XPO7: variants seen among roughly 807,000 people sequenced by gnomAD.
The protein encoded by XPO7 is exportin 7.
A neutral mutation model predicts 144.3 loss-of-function variants in XPO7; 21 were observed. That is an observed-to-expected ratio of 0.15 (90% CI 0.10 to 0.21). The LOEUF is 0.21. XPO7 is among the 10% of genes least tolerant of loss of function. The probability of loss-of-function intolerance (pLI) is 1.00; values close to 1 mark genes in which losing one functional copy is unlikely to be tolerated. For missense variants in XPO7, 808 were observed against 1,325.8 expected (o/e 0.61, Z 6.06); for synonymous variants, 580 against 499.6 (o/e 1.16, Z -2.15).
chr8:21,995,064 A>AAAC (rs564256339), intron 20 of XPO7, among the ~76,000 whole-genome samples: 2 of 150,356 alleles, frequency 1.3e-5, no homozygotes, highest in African/African-American at 2.5e-5. Context: ...AAAAAAAAAT[A>AAAC]AATAATAATA....
intron 4 of XPO7, among the ~76,000 whole-genome samples, chr8:21,971,236 A>G (rs967517691): frequency 6.6e-6 from 1 of 152,228 alleles, no homozygotes; most frequent in Non-Finnish European, 1.5e-5. Context: ...CTATGATGTT[A>G]GCACAACAGT....
intron 1 of XPO7, among the ~76,000 whole-genome samples, chr8:21,931,518 T>C (rs1319396564): frequency 2.0e-5 from 3 of 152,350 alleles, no homozygotes; most frequent in Non-Finnish European, 4.4e-5. Flanking sequence ...TTATTCTGTT[T>C]TGTTTGCTGG....
At chr8:21,940,875 G>T (rs764395012) in intron 1 of XPO7, among the ~76,000 whole-genome samples, 1 of 152,108 alleles carries the variant, frequency 6.6e-6, no homozygotes, top group African/African-American at 2.4e-5. Flanking sequence ...ATCTCTGGAT[G>T]CATCTGTAGT....
chr8:21,960,976 A>G (rs753261393), intron 1 of XPO7, among the ~76,000 whole-genome samples: 2 of 152,238 alleles, frequency 1.3e-5, no homozygotes, highest in Non-Finnish European at 2.9e-5. Flanking sequence ...TAAATATATA[A>G]ATAATTAAAG....
At chr8:21,962,731 C>G (rs1411865305) in intron 1 of XPO7, among the ~76,000 whole-genome samples, 1 of 152,184 alleles carries the variant, frequency 6.6e-6, no homozygotes, top group Non-Finnish European at 1.5e-5. Context: ...AATTTACTAA[C>G]ATGCATCACA....
chr8:21,999,834 GCA>G (rs1411962592), intron 24 of XPO7, among the ~76,000 whole-genome samples, 160 bp downstream of exon 24: 1 of 152,156 alleles, frequency 6.6e-6, no homozygotes, highest in African/African-American at 2.4e-5. Flanking sequence ...TGCTTATCCA[GCA>G]CACACTCACT....
chr8:21,990,760 CT>C (rs1188344088), intron 17 of XPO7, 50 bp from the exon 18 acceptor site: 33 of 1,556,004 alleles, frequency 2.1e-5, no homozygotes, highest in Non-Finnish European at 2.8e-5. Flanking sequence ...GGCTTGCATT[CT>C]GCCTCTAACT....
intron 1 of XPO7, among the ~76,000 whole-genome samples, chr8:21,941,778 C>T (rs549459861): frequency 3.9e-5 from 6 of 152,140 alleles, no homozygotes; most frequent in Non-Finnish European, 7.4e-5. Flanking sequence ...TAGGCTTAAG[C>T]GATCCTCCCG....
intron 1 of XPO7, among the ~76,000 whole-genome samples, chr8:21,923,108 G>A (rs764419417): frequency 6.6e-6 from 1 of 152,162 alleles, no homozygotes; most frequent in African/African-American, 2.4e-5. Flanking sequence ...AGGGAGTTCC[G>A]TACAACTTTT....
chr8:21,985,661 A>T lies in XPO7; in HGVS notation c.1547A>T (p.Gln516Leu). ...GTTTCTTTTGCCAGCACTGATGAGC[A>T]AGACGCCATGGATGGTGAGCTTGTC... ...GRVSFASTDE[Q>L]DAMDGELVCR... is the part of the protein sequence containing the mutation. Residue 516 changes from glutamine to leucine, a missense_variant, in exon 13 of 28, where the codon CAA (glutamine) becomes CTA (leucine). Transcript: ENST00000252512. 1 of 1,613,732 alleles carries T rather than the reference A, an allele frequency of 6.2e-7. No individual in the cohort carries two copies.
chr8:22,004,637 G>A lies in XPO7; in HGVS notation c.3171-358G>A, dbSNP rs142061543. On this transcript the variant is annotated intron_variant, in intron 27 of 27. Coordinates refer to ENST00000252512, the MANE Select transcript of XPO7 (RefSeq NM_015024.5). ...TAATTCAGGGGCACGGTAGCCATATGTGGTTAGCAGCCGCCCTATTGGACA... is the reference window on the plus strand; with the variant it reads ...TAATTCAGGGGCACGGTAGCCATATATGGTTAGCAGCCGCCCTATTGGACA... 2.2e-3 allele frequency among the ~76,000 whole-genome samples: 330 copies of A among 152,228 alleles called. 3 individuals carry two copies. Among genetic ancestry groups the A allele is most frequent in the African/African-American group, 7.5e-3 (312 of 41,520 alleles).
intron 1 of XPO7, among the ~76,000 whole-genome samples, chr8:21,964,648 G>C (rs1452678145): frequency 1.3e-5 from 2 of 151,862 alleles, no homozygotes; most frequent in African/African-American, 4.8e-5. Flanking sequence ...TCTTCAAAGT[G>C]TGTAAATGGT....
At chr8:21,988,677 G>C (rs910151685) in intron 15 of XPO7, 1 of 294,414 alleles carries the variant, frequency 3.4e-6, no homozygotes, top group Non-Finnish European at 6.5e-6. Flanking sequence ...AATTGCATAC[G>C]TCTGCATGTT....
intron 7 of XPO7, 57 bp downstream of exon 7, chr8:21,976,578 T>C (rs1812231383): frequency 1.3e-6 from 2 of 1,512,324 alleles, no homozygotes; most frequent in Non-Finnish European, 1.8e-6. Flanking sequence ...AGAGTGTCTG[T>C]AGAATGATCT....
chr8:21,970,286 C>T lies in XPO7; in HGVS notation c.402C>T (p.Ile134=), dbSNP rs1812012507. 1 of 1,613,414 alleles carries T rather than the reference C, an allele frequency of 6.2e-7. No individual in the cohort carries two copies. The change falls in exon 4 of 28, where the codon ATC becomes ATT. Residue 134 remains isoleucine (I), a synonymous_variant. Coordinates refer to ENST00000252512, the MANE Select transcript of XPO7 (RefSeq NM_015024.5). ...ATGACTATGTCTTCAGAAATGCAAT[C>T]ACAGACGTCACAAGGTTTTTACAGG... ...QKDDYVFRNA[I]TDVTRFLQDS...
chr8:21,929,009 C>A (rs773008537), intron 1 of XPO7, among the ~76,000 whole-genome samples: 12 of 152,166 alleles, frequency 7.9e-5, no homozygotes, highest in Non-Finnish European at 1.3e-4. Flanking sequence ...CCCTTCAAAT[C>A]TATTGCCTGA....
chr8:21,977,706 G>A (rs532267453), intron 7 of XPO7, 64 bp from the exon 8 acceptor site: 24 of 1,475,706 alleles, frequency 1.6e-5, no homozygotes, highest in African/African-American at 5.5e-5. Context: ...TATAGTGCTG[G>A]AAGTATGCCA....
Position 21,927,405 on chromosome 8 carries a change from A to G in XPO7, c.18+7617A>G, listed in dbSNP as rs184635708. ...GTTGTGAGCAAGAAGTTTTAATTTC[A>G]CAGAATTCCTAAAACCTGTCCATTC... is the stretch of plus-strand genomic sequence containing the variant. On this transcript the variant is annotated intron_variant, in intron 1 of 27. Transcript: ENST00000252512. Among the ~76,000 whole-genome samples the G allele has an allele frequency of 2.8e-3, 428 of 152,234 alleles. 2 individuals carry two copies. Among genetic ancestry groups the G allele is most frequent in the South Asian group, 0.028 (134 of 4,820 alleles).
intron 26 of XPO7, among the ~76,000 whole-genome samples, chr8:22,003,577 A>G (rs1421925402): frequency 6.6e-6 from 1 of 152,244 alleles, no homozygotes; most frequent in East Asian, 1.9e-4. Flanking sequence ...TTTCAAGGAA[A>G]TAATGTACCT....
Sources: allele counts gnomAD v4.1 joint callset (sites outside exome capture counted in the v4.1 genomes callset), GRCh38; gene constraint gnomAD v4.1.1; transcripts MANE v1.5; gene names NCBI Gene and HGNC (gene_info 2026-07-23, HGNC 2026-07-21).